The following DKK3 variants were observed in gnomAD, a reference collection of about 807,000 sequenced individuals.
DKK3 encodes the protein dickkopf Wnt signaling pathway inhibitor 3.
A neutral mutation model predicts 33.2 loss-of-function variants in DKK3; 22 were observed. The observed-to-expected ratio is 0.66, with a 90% confidence interval of 0.47 to 0.95. The LOEUF is 0.95. DKK3 is among the 40% of genes least tolerant of loss of function. The pLI is 0.00. For synonymous variants in DKK3, 194 were observed against 188.8 expected, an observed-to-expected ratio of 1.03 and a Z score of -0.23; for missense variants, 398 against 458.4, an observed-to-expected ratio of 0.87 and a Z score of 1.20.
At position 11,998,715 on chromosome 11, in the gene DKK3, T is replaced by A. The variant is rs1848353732; in HGVS notation, c.416A>T (p.Glu139Val). Residue 139 changes from glutamate (E) to valine (V), a missense_variant, in exon 3 of 7, where the codon GAA becomes GTA. Glu to Val is a moderately radical substitution (Grantham distance 121). Coordinates refer to ENST00000683431, the MANE Select transcript of DKK3 (RefSeq NM_001018057.2). ...SETVITSVGD[E>V]EGRRSHECII... The stretch of plus-strand genomic sequence containing the variant: ...ACTTACGTGGCTCCTTCTGCCTTCT[T>A]CGTCTCCCACAGATGTGATAACTGT... 1 of 1,614,062 alleles carries A rather than the reference T, an allele frequency of 6.2e-7. No homozygotes were observed. Among genetic ancestry groups the A allele is most frequent in the African/African-American group, 1.3e-5 (1 of 74,916 alleles).
At chr11:11,989,390 T>C (rs1848141056) in intron 3 of DKK3, among the ~76,000 whole-genome samples, 1 of 152,204 alleles carries the variant, frequency 6.6e-6, no homozygotes. Flanking sequence ...ACACAAACCA[T>C]GTATTATCAT....
In DKK3 at chr11:11,963,855, G is replaced by A. The variant is rs751760580; in HGVS notation, c.*609C>T. ...AGGAGAACAATGACCCCCTCCCCAG[G>A]CTGTGCTGAGAGAGGGAATTGATCT... is the stretch of plus-strand genomic sequence containing the variant. On this transcript the variant is annotated 3_prime_UTR_variant, in exon 7 of 7. Coordinates refer to ENST00000683431, the MANE Select transcript of DKK3 (RefSeq NM_001018057.2). 3 of 153,186 alleles carry A rather than the reference G, an allele frequency of 2.0e-5. No homozygotes were observed. The highest frequency in any genetic ancestry group is 4.8e-5 in the African/African-American group (2 of 41,436). 9.5% of individuals were successfully genotyped at this position (153,186 alleles called of 1,614,324 possible).
chr11:12,005,316 G>A (rs1488325577), intron 1 of DKK3, among the ~76,000 whole-genome samples: 4 of 152,140 alleles, frequency 2.6e-5, no homozygotes, highest in African/African-American at 9.7e-5. Flanking sequence ...AACTATTATT[G>A]CCACTAGCAA....
intron 3 of DKK3, among the ~76,000 whole-genome samples, chr11:11,992,929 T>A (rs953245920): frequency 2.0e-5 from 3 of 152,184 alleles, no homozygotes; most frequent in African/African-American, 7.2e-5. Context: ...AACGAAGATA[T>A]CTTTTTTCTT....
intron 3 of DKK3, among the ~76,000 whole-genome samples, chr11:11,992,487 C>A (rs573649086): frequency 6.6e-6 from 1 of 152,362 alleles, no homozygotes; most frequent in African/African-American, 2.4e-5. Flanking sequence ...CCACCACCCA[C>A]CCTCTGTGAC....
chr11:11,999,485 C>T (rs573674660), intron 2 of DKK3, among the ~76,000 whole-genome samples: 3 of 152,128 alleles, frequency 2.0e-5, no homozygotes, highest in Non-Finnish European at 4.4e-5. Context: ...AAAATTTAGC[C>T]GCAGTGGCAA....
chr11:11,966,407 A>C (rs911872520), intron 5 of DKK3, among the ~76,000 whole-genome samples: 2 of 152,204 alleles, frequency 1.3e-5, no homozygotes, highest in African/African-American at 4.8e-5. Context: ...AAGGAGTCTG[A>C]ACATCGTGGG....
At chr11:11,991,426 T>C (rs1441374359) in intron 3 of DKK3, among the ~76,000 whole-genome samples, 4 of 152,096 alleles carry the variant, frequency 2.6e-5, no homozygotes, top group African/African-American at 7.2e-5. Context: ...TGTGTTCTGA[T>C]TGTTAAAAAG....
chr11:11,977,367 G>C (rs1225711459), intron 3 of DKK3, among the ~76,000 whole-genome samples: 1 of 151,952 alleles, frequency 6.6e-6, no homozygotes, highest in Non-Finnish European at 1.5e-5. Flanking sequence ...CCCTGGAAAA[G>C]CTTGTTCCTT....
At position 11,964,565 on chromosome 11, in the gene DKK3, G is replaced by T; in HGVS notation, c.952C>A (p.Arg318Ser). Residue 318 changes from arginine to serine, a missense_variant, in exon 7 of 7, where the codon CGC becomes AGC. Arg to Ser is a moderately radical substitution (Grantham distance 110, BLOSUM62 -1). Coordinates refer to ENST00000683431, the MANE Select transcript of DKK3 (RefSeq NM_001018057.2). ...CTCTCCAGGTCCTCCAGCTCCTGGC[G>T]CACCTCCTCCATGAAGCTGCCAACT... Reference protein sequence around the residue: ...YEVGSFMEEVRQELEDLERSL... With the variant: ...YEVGSFMEEVSQELEDLERSL... 6 of 1,614,130 alleles carry T rather than the reference G, an allele frequency of 3.7e-6. No homozygotes were observed. The highest frequency in any genetic ancestry group is 5.1e-6 in the Non-Finnish European group (6 of 1,180,040).
chr11:11,984,621 T>C (rs1848025195), intron 3 of DKK3, among the ~76,000 whole-genome samples: 1 of 142,528 alleles, frequency 7.0e-6, no homozygotes, highest in African/African-American at 2.6e-5. Flanking sequence ...GCCCTCTTTA[T>C]AAATTCAATT....
At chr11:12,002,240 C>G in intron 2 of DKK3, 60 bp downstream of exon 2, 1 of 1,510,420 alleles carries the variant, frequency 6.6e-7, no homozygotes, top group Non-Finnish European at 8.9e-7. Context: ...AACAAAAAAA[C>G]CTTAGTTCTC....
In DKK3 at chr11:11,995,851, C is replaced by T. The variant is rs139050222; in HGVS notation, c.435+2845G>A. On this transcript the variant is annotated intron_variant, in intron 3 of 6. Transcript: ENST00000683431. ...CAGCCGATGTGCTCAGGTGCAATAA[C>T]ATGCTGCGGTGTCCTTTTCCCCTTT... 7.8e-3 allele frequency among the ~76,000 whole-genome samples: 1,193 copies of T among 152,348 alleles called. 10 individuals are homozygous for T. The highest frequency in any genetic ancestry group is 0.028 in the African/African-American group (1,150 of 41,578).
chr11:11,978,695 G>C (rs1034133833), intron 3 of DKK3: 1 of 152,090 alleles, frequency 6.6e-6, no homozygotes, highest in Non-Finnish European at 1.5e-5. Flanking sequence ...TCTGTACTTG[G>C]AGAAAAGCCT....
intron 3 of DKK3, among the ~76,000 whole-genome samples, chr11:11,974,644 T>C (rs188375358): frequency 7.6e-4 from 116 of 152,364 alleles, no homozygotes; most frequent in Admixed American, 1.6e-3. Context: ...CTCTTAATAC[T>C]GTTAAAATGG....
At chr11:11,974,465 C>A (rs911512591) in intron 3 of DKK3, among the ~76,000 whole-genome samples, 4 of 152,164 alleles carry the variant, frequency 2.6e-5, no homozygotes, top group Non-Finnish European at 5.9e-5. Flanking sequence ...CTGGTGAGGG[C>A]CTTCTTGCTA....
At chr11:11,999,134 T>C (rs1848368109) in intron 2 of DKK3, among the ~76,000 whole-genome samples, 1 of 152,224 alleles carries the variant, frequency 6.6e-6, no homozygotes, top group Admixed American at 6.5e-5. Flanking sequence ...ATGTCAACTT[T>C]ATTCTTGACA....
At chr11:11,995,549 T>C (rs1321283919) in intron 3 of DKK3, among the ~76,000 whole-genome samples, 1 of 152,250 alleles carries the variant, frequency 6.6e-6, no homozygotes, top group Non-Finnish European at 1.5e-5. Context: ...GCCTTGTAGC[T>C]GCGAGTTGGA....
At chr11:11,999,484 C>G (rs1451869113) in intron 2 of DKK3, among the ~76,000 whole-genome samples, 5 of 152,174 alleles carry the variant, frequency 3.3e-5, no homozygotes, top group African/African-American at 4.8e-5. Context: ...CAAAATTTAG[C>G]CGCAGTGGCA....
Sources: gnomAD v4.1 joint callset for allele counts (sites outside exome capture counted in the v4.1 genomes callset) on GRCh38, gnomAD v4.1.1 for gene constraint, MANE v1.5 for transcripts, NCBI Gene and HGNC (gene_info 2026-07-23, HGNC 2026-07-21) for gene names.